Variants in PDE10A observed in about 807,000 individuals in gnomAD.
PDE10A encodes the protein cAMP and cAMP-inhibited cGMP 3',5'-cyclic phosphodiesterase 10A.
Under a neutral mutation model 97.7 loss-of-function variants are expected in PDE10A, and 39 were observed. The observed-to-expected ratio is 0.40, with a 90% CI of 0.31 to 0.52. The LOEUF (loss-of-function observed/expected upper bound fraction) is 0.52. Ranked by LOEUF, PDE10A falls within the 20% of genes least tolerant of loss-of-function variation. The probability of loss-of-function intolerance (pLI) is 0.56; values close to 1 mark genes in which losing one functional copy is unlikely to be tolerated. For synonymous variants in PDE10A, 371 were observed against 376.8 expected, an observed-to-expected ratio of 0.98 and a Z score of 0.18; for missense variants, 731 against 1,047.8, an observed-to-expected ratio of 0.70 and a Z score of 4.17.
intron 1 of PDE10A, among the ~76,000 whole-genome samples, chr6:165,559,653 C>T (rs1784427867): frequency 6.6e-6 from 1 of 152,132 alleles, no homozygotes; most frequent in Non-Finnish European, 1.5e-5. Context: ...AATTTGAAGA[C>T]AGTCCCTAAT....
intron 1 of PDE10A, among the ~76,000 whole-genome samples, chr6:165,759,672 T>G (rs1366040540): frequency 6.6e-6 from 1 of 152,200 alleles, no homozygotes; most frequent in Non-Finnish European, 1.5e-5. Context: ...CCAATGATAT[T>G]TTTTCATCCA....
chr6:165,905,410 T>C (rs1782233037), intron 1 of PDE10A, among the ~76,000 whole-genome samples: 1 of 152,144 alleles, frequency 6.6e-6, no homozygotes, highest in Non-Finnish European at 1.5e-5. Flanking sequence ...AAAATCTCGA[T>C]CTTTTATATG....
intron 1 of PDE10A, among the ~76,000 whole-genome samples, chr6:165,802,122 G>T (rs116807302): frequency 1.1e-3 from 160 of 152,366 alleles, no homozygotes; most frequent in African/African-American, 3.7e-3. Flanking sequence ...GCTACAGGAT[G>T]ATGAGGCTTG....
At chr6:165,415,768 G>C (rs917019620) in intron 12 of PDE10A, among the ~76,000 whole-genome samples, 1 of 152,150 alleles carries the variant, frequency 6.6e-6, no homozygotes, top group Admixed American at 6.5e-5. Context: ...GCTAAGAAAT[G>C]ACAGAACCGT....
intron 1 of PDE10A, among the ~76,000 whole-genome samples, chr6:165,683,772 C>G (rs1257485748): frequency 6.6e-6 from 1 of 152,124 alleles, no homozygotes; most frequent in Non-Finnish European, 1.5e-5. Context: ...AAAGATGGTA[C>G]CTTTGTACGT....
At chr6:165,669,284 G>C (rs1306704201) in intron 1 of PDE10A, among the ~76,000 whole-genome samples, 2 of 152,202 alleles carry the variant, frequency 1.3e-5, no homozygotes, top group Admixed American at 1.3e-4. Flanking sequence ...CTCAGACTGG[G>C]AGTTAAAGGA....
chr6:165,656,256 TCTCACACA>T lies in PDE10A; in HGVS notation c.865+5683_865+5690del, dbSNP rs1204276144. ...CCCCAACTCTCTCTCTCTCTCTCTC[TCTCACACA>T]CACACACACACACACACACACACAC... On this transcript the variant is annotated intron_variant, in intron 1 of 21. Coordinates refer to ENST00000539869, the MANE Select transcript of PDE10A (RefSeq NM_001385079.1). 6.5e-3 allele frequency among the ~76,000 whole-genome samples: 695 copies of T among 106,698 alleles called. 4 individuals are homozygous for T. The highest frequency in any genetic ancestry group is 0.022 in the African/African-American group (622 of 28,130). The allele number at this position is 106,698 out of a possible 152,430, so 70.0% of individuals were successfully genotyped here.
At chr6:165,683,517 T>C (rs1250559912) in intron 1 of PDE10A, among the ~76,000 whole-genome samples, 1 of 152,244 alleles carries the variant, frequency 6.6e-6, no homozygotes, top group Admixed American at 6.5e-5. Context: ...GAGAGATGGG[T>C]TCATCTGGGA....
At chr6:165,667,113 T>C (rs999643132), upstream of PDE10A, among the ~76,000 whole-genome samples, 4 of 152,268 alleles carry the variant, frequency 2.6e-5, no homozygotes, top group African/African-American at 9.6e-5. Flanking sequence ...CAATACTTCA[T>C]AGGGGACAGC....
chr6:165,575,169 C>A (rs1386621827), intron 1 of PDE10A, among the ~76,000 whole-genome samples: 3 of 152,198 alleles, frequency 2.0e-5, no homozygotes. Flanking sequence ...GCAAGCACCA[C>A]AGAATTCTTT....
At chr6:165,469,427 T>C (rs572737432) in intron 3 of PDE10A, among the ~76,000 whole-genome samples, 123 of 152,344 alleles carry the variant, frequency 8.1e-4, no homozygotes, top group African/African-American at 2.8e-3. Flanking sequence ...GCTATGGCTG[T>C]AGTTCATAAG....
rs112512989 is a variant in PDE10A at position 165,530,558 on chromosome 6, T to C, written c.994+12882A>G. On this transcript the variant is annotated intron_variant, in intron 2 of 21. Transcript: ENST00000539869. The stretch of plus-strand genomic sequence containing the variant: ...TCACTACCTGGGTGATGGGATCAAT[T>C]GTCAAACTTCAGCATCATGCAACAG... 2.6e-5 allele frequency among the ~76,000 whole-genome samples: 4 copies of C among 152,190 alleles called. 1 individual carries two copies. The highest frequency in any genetic ancestry group is 7.2e-5 in the African/African-American group (3 of 41,528).
At chr6:165,691,081 CTCTCTCTCTCTCTCTCTT>C in intron 1 of PDE10A, among the ~76,000 whole-genome samples, 2 of 38,220 alleles carry the variant, frequency 5.2e-5, no homozygotes, top group African/African-American at 2.4e-4. Flanking sequence ...CTCTTTCTCT[CTCTCTCTCTCTCTCTCTT>C]TCTCTCTCCC....
intron 1 of PDE10A, among the ~76,000 whole-genome samples, chr6:165,737,835 T>G (rs527844860): frequency 6.6e-6 from 1 of 152,266 alleles, no homozygotes; most frequent in Non-Finnish European, 1.5e-5. Flanking sequence ...ATACAAGGCA[T>G]GCAAATTGAA....
At chr6:165,779,296 A>T (rs1778282640) in intron 1 of PDE10A, among the ~76,000 whole-genome samples, 1 of 139,572 alleles carries the variant, frequency 7.2e-6, no homozygotes, top group South Asian at 2.3e-4. Flanking sequence ...CAACAGAAAA[A>T]CAAGTCATTG....
At chr6:165,915,803 T>C (rs1050433305) in intron 1 of PDE10A, among the ~76,000 whole-genome samples, 2 of 152,220 alleles carry the variant, frequency 1.3e-5, no homozygotes, top group African/African-American at 4.8e-5. Flanking sequence ...TTCTTTACTT[T>C]CCTGCTTTTT....
intron 2 of PDE10A, among the ~76,000 whole-genome samples, chr6:165,509,402 A>C (rs572022300): frequency 3.3e-5 from 5 of 152,016 alleles, no homozygotes; most frequent in African/African-American, 9.6e-5. Context: ...AAACATGTGA[A>C]ATTATTTCTG....
intron 2 of PDE10A, among the ~76,000 whole-genome samples, chr6:165,489,991 A>C (rs1355269934): frequency 1.3e-5 from 2 of 152,392 alleles, no homozygotes. Flanking sequence ...CTGAGGAAGA[A>C]AATAAATCTA....
At chr6:165,812,027 T>C (rs1194634834) in intron 1 of PDE10A, among the ~76,000 whole-genome samples, 1 of 152,122 alleles carries the variant, frequency 6.6e-6, no homozygotes, top group Non-Finnish European at 1.5e-5. Flanking sequence ...TAATTATTTG[T>C]ATTTTTAATA....
Sources: allele counts gnomAD v4.1 joint callset (sites outside exome capture counted in the v4.1 genomes callset), GRCh38; gene constraint gnomAD v4.1.1; transcripts MANE v1.5; gene names NCBI Gene and HGNC (gene_info 2026-07-23, HGNC 2026-07-21).